TET1: variants seen among roughly 807,000 people sequenced by gnomAD.
The protein encoded by TET1 is tet methylcytosine dioxygenase 1.
In TET1, 13 loss-of-function variants were observed where a neutral mutation model predicts 148.7. The ratio of observed to expected loss-of-function variants is 0.09; its 90% CI spans 0.06 to 0.14. The LOEUF is 0.14. TET1 is among the 10% of genes least tolerant of loss of function. The probability of loss-of-function intolerance (pLI) is 1.00; values close to 1 mark genes in which losing one functional copy is unlikely to be tolerated. For missense variants in TET1, 2,182 were observed against 2,553.8 expected, an observed-to-expected ratio of 0.85 and a Z score of 3.14; for synonymous variants, 907 against 937.2, an observed-to-expected ratio of 0.97 and a Z score of 0.59.
chr10:68,631,433 CTTTTTTTT>C (rs546257824), intron 3 of TET1, among the ~76,000 whole-genome samples: 25 of 110,578 alleles, frequency 2.3e-4, no homozygotes, highest in East Asian at 1.1e-3. Flanking sequence ...TTTCTTTCTT[CTTTTTTTT>C]TTTTTTTTTT....
At chr10:68,577,833 T>G (rs12254515) in intron 2 of TET1, among the ~76,000 whole-genome samples, 83,687 of 151,808 alleles carry the variant, frequency 0.55, 23,143 homozygotes, top group Middle Eastern at 0.61. Flanking sequence ...AAAAAACATA[T>G]CTGGGTATGT....
intron 2 of TET1, among the ~76,000 whole-genome samples, chr10:68,588,442 G>A (rs1281026198): frequency 2.0e-5 from 3 of 152,308 alleles, no homozygotes; most frequent in African/African-American, 7.2e-5. Context: ...TAAGAACATA[G>A]TTGATCTGGG....
At chr10:68,578,974 G>C (rs778661099) in intron 2 of TET1, among the ~76,000 whole-genome samples, 2 of 152,012 alleles carry the variant, frequency 1.3e-5, no homozygotes, top group African/African-American at 4.8e-5. Flanking sequence ...CTATGATCGC[G>C]CCACTGCACT....
At chr10:68,626,667 C>T (rs1400037283) in intron 3 of TET1, among the ~76,000 whole-genome samples, 2 of 151,970 alleles carry the variant, frequency 1.3e-5, no homozygotes, top group Non-Finnish European at 2.9e-5. Context: ...TCTCCTGCCT[C>T]AGCCTCTCGA....
chr10:68,628,359 C>T (rs375706130), intron 3 of TET1, among the ~76,000 whole-genome samples: 32 of 152,282 alleles, frequency 2.1e-4, no homozygotes, highest in African/African-American at 6.0e-4. Flanking sequence ...TAGAAGGTGT[C>T]GTCGTTAAGT....
intron 4 of TET1, among the ~76,000 whole-genome samples, chr10:68,648,125 C>T (rs1360149762): frequency 1.3e-5 from 2 of 152,156 alleles, no homozygotes; most frequent in Non-Finnish European, 2.9e-5. Context: ...TGATCCCTAA[C>T]CAATGTATTT....
intron 3 of TET1, among the ~76,000 whole-genome samples, chr10:68,642,024 T>C (rs10998358): frequency 0.061 from 9,335 of 152,318 alleles, 396 homozygotes; most frequent in Non-Finnish European, 0.087. Flanking sequence ...ATATTTATCA[T>C]GTACAACATG....
intron 5 of TET1, 38 bp downstream of exon 5, chr10:68,651,974 T>C (rs1250313731): frequency 1.3e-6 from 2 of 1,545,022 alleles, no homozygotes; most frequent in South Asian, 2.3e-5. Context: ...TCATTCTTAC[T>C]GTGGATCTGA....
chr10:68,572,330 T>C lies in TET1; in HGVS notation c.-9T>C. On this transcript the variant is annotated 5_prime_UTR_variant, in exon 2 of 12. Coordinates refer to ENST00000373644, the MANE Select transcript of TET1 (RefSeq NM_030625.3). ...CCTGCGCCCTTTCATTTTTTCCTACTCTGTAGCTATGTCTCGATCCCGCCA... is the reference window on the plus strand; with the variant it reads ...CCTGCGCCCTTTCATTTTTTCCTACCCTGTAGCTATGTCTCGATCCCGCCA... 1 of 1,582,414 alleles carries C rather than the reference T, an allele frequency of 6.3e-7. No homozygotes were observed. Among genetic ancestry groups the C allele is most frequent in the Non-Finnish European group, 8.5e-7 (1 of 1,170,332 alleles).
chr10:68,624,654 TTCTTTCTCTCTCTCTCTCTCTCTC>T (rs1310898780), intron 3 of TET1, among the ~76,000 whole-genome samples: 10 of 58,402 alleles, frequency 1.7e-4, no homozygotes, highest in African/African-American at 6.1e-4. Flanking sequence ...CTTTCTTTCT[TTCTTTCTCTCTCTCTCTCTCTCTC>T]TCTCTCTCTC....
At chr10:68,577,482 T>C (rs1347203487) in intron 2 of TET1, among the ~76,000 whole-genome samples, 1 of 128,704 alleles carries the variant, frequency 7.8e-6, no homozygotes, top group African/African-American at 2.5e-5. Flanking sequence ...TAGCAAGACC[T>C]CATCAAAAAA....
chr10:68,607,709 C>A (rs894622792), intron 3 of TET1, among the ~76,000 whole-genome samples: 2 of 150,996 alleles, frequency 1.3e-5, no homozygotes, highest in African/African-American at 4.9e-5. Context: ...ACCACTGCAC[C>A]TGGCCTTCTT....
At chr10:68,622,193 C>CCTTT (rs1221863418) in intron 3 of TET1, among the ~76,000 whole-genome samples, 4 of 116,916 alleles carry the variant, frequency 3.4e-5, no homozygotes, top group South Asian at 5.9e-4. Flanking sequence ...TTCCTTCCTT[C>CCTTT]CTTCCTTCCT....
rs2053693511 is a variant in TET1 at position 68,573,452 on chromosome 10, A to T, written c.1114A>T (p.Ile372Phe). Residue 372 changes from isoleucine to phenylalanine, a missense_variant, in exon 2 of 12, where the codon ATC becomes TTC. Around this residue, in one of 11 missense-constraint regions of TET1, gnomAD observed 665 missense variants for 672.4 expected, o/e 0.99. Coordinates refer to ENST00000373644, the MANE Select transcript of TET1 (RefSeq NM_030625.3). ...TTTCCTAGGACAGGCCTTTGGTGCTATCCCACATCAATGGGAACTTCCTGG... is the reference window on the plus strand; with the variant it reads ...TTTCCTAGGACAGGCCTTTGGTGCTTTCCCACATCAATGGGAACTTCCTGG... ...TSFLGQAFGA[I>F]PHQWELPGAD... is the part of the protein sequence containing the mutation. The T allele has an allele frequency of 6.2e-7, 1 of 1,614,040 alleles. No homozygotes were observed. The highest frequency in any genetic ancestry group is 1.3e-5 in the African/African-American group (1 of 74,906).
In TET1 at chr10:68,582,991, G is replaced by T. The variant is rs74677527; in HGVS notation, c.1914+8739G>T. On this transcript the variant is annotated intron_variant, in intron 2 of 11. Transcript: ENST00000373644. ...CATGTAGACTGATTCTGACCCATGG[G>T]TGTTAATTTCTGAAATTTTGTCACA... 3.7e-3 allele frequency among the ~76,000 whole-genome samples: 570 copies of T among 152,252 alleles called. 4 individuals carry two copies. The highest frequency in any genetic ancestry group is 0.013 in the African/African-American group (541 of 41,540).
At chr10:68,623,214 C>G (rs1157744359) in intron 3 of TET1, among the ~76,000 whole-genome samples, 1 of 152,126 alleles carries the variant, frequency 6.6e-6, no homozygotes, top group Non-Finnish European at 1.5e-5. Flanking sequence ...CTGTTTCTAC[C>G]ATTCCTTCTA....
chr10:68,662,954 A>G (rs1186004900), intron 6 of TET1, among the ~76,000 whole-genome samples: 1 of 152,202 alleles, frequency 6.6e-6, no homozygotes, highest in Non-Finnish European at 1.5e-5. Context: ...AAAAAAGAAC[A>G]GTTTTAAAAG....
Position 68,573,815 on chromosome 10 carries a change from G to C in TET1, c.1477G>C (p.Ala493Pro), listed in dbSNP as rs933927897. Residue 493 changes from alanine to proline, a missense_variant, in exon 2 of 12, where the codon GCT (alanine) becomes CCT (proline). By Grantham distance (27) the Ala-to-Pro change is conservative. This residue lies in a region of TET1 where 665 missense variants were observed against 672.4 expected (regional missense o/e 0.99). Transcript: ENST00000373644. ...GAAAAATTCATTACCTCCAGTAATG[G>C]CTATAAGCAATGTAGAAAATGAGAA... ...SEKNSLPPVM[A>P]ISNVENEKQV... The C allele has an allele frequency of 3.1e-6, 5 of 1,613,950 alleles. No homozygotes were observed. Among genetic ancestry groups the C allele is most frequent in the Non-Finnish European group, 4.2e-6 (5 of 1,180,024 alleles).
intron 1 of TET1, among the ~76,000 whole-genome samples, chr10:68,564,819 G>T (rs1156991336): frequency 6.6e-6 from 1 of 152,038 alleles, no homozygotes; most frequent in Admixed American, 6.6e-5. Context: ...AGACCAGTCT[G>T]GGCAACATAG....
Sources: gnomAD v4.1 joint callset for allele counts (sites outside exome capture counted in the v4.1 genomes callset) on GRCh38, gnomAD v4.1.1 for gene constraint, gnomAD v4.1.1 regional missense constraint, MANE v1.5 for transcripts, NCBI Gene and HGNC (gene_info 2026-07-23, HGNC 2026-07-21) for gene names.